SUGCT: variants seen among roughly 807,000 people sequenced by gnomAD.
SUGCT encodes succinyl-CoA:glutarate-CoA transferase, also known as succinyl-CoA:glutarate CoA-transferase.
In SUGCT, 41 loss-of-function variants were observed where a neutral mutation model predicts 55.0. That is an observed-to-expected ratio of 0.74 (90% CI 0.58 to 0.97). The LOEUF (loss-of-function observed/expected upper bound fraction) is 0.97, where lower values mean the gene tolerates loss of function less well. SUGCT is among the 50% of genes least tolerant of loss of function. SUGCT has a pLI of 0.00. For synonymous variants in SUGCT, 187 were observed against 200.4 expected (o/e 0.93, Z 0.56); for missense variants, 568 against 547.8 (o/e 1.04, Z -0.37).
At chr7:40,399,632 AT>A (rs1785953426) in intron 9 of SUGCT, among the ~76,000 whole-genome samples, 1 of 152,178 alleles carries the variant, frequency 6.6e-6, no homozygotes, top group African/African-American at 2.4e-5. Flanking sequence ...TATTAGCCTG[AT>A]TTGGTTCATG....
At chr7:40,443,425 T>G (rs1788629056) in intron 9 of SUGCT, among the ~76,000 whole-genome samples, 1 of 152,230 alleles carries the variant, frequency 6.6e-6, no homozygotes, top group Admixed American at 6.5e-5. Context: ...CTAACTGGTG[T>G]GAGATGGTAT....
chr7:40,942,931 C>T, the SUGCT span, among the ~76,000 whole-genome samples: 1 of 151,984 alleles, frequency 6.6e-6, no homozygotes, highest in African/African-American at 2.4e-5. Context: ...TAAAAAATAT[C>T]TGTCTCTTTA....
chr7:40,896,416 T>C, the SUGCT span, among the ~76,000 whole-genome samples: 1 of 152,190 alleles, frequency 6.6e-6, no homozygotes, highest in African/African-American at 2.4e-5. Flanking sequence ...GGTTTGGCTG[T>C]GTCCCCACCC....
intron 9 of SUGCT, among the ~76,000 whole-genome samples, chr7:40,384,869 G>T (rs143327977): frequency 6.6e-6 from 1 of 152,050 alleles, no homozygotes; most frequent in Non-Finnish European, 1.5e-5. Context: ...TTCTACAAAG[G>T]CGTATTGAGA....
At chr7:40,944,015 T>C in the SUGCT span, among the ~76,000 whole-genome samples, 1 of 151,536 alleles carries the variant, frequency 6.6e-6, no homozygotes, top group Admixed American at 6.6e-5. Context: ...TTGATTTGCA[T>C]TTCTCTGATG....
chr7:40,973,419 G>GCTT, the SUGCT span, among the ~76,000 whole-genome samples: 1 of 152,116 alleles, frequency 6.6e-6, no homozygotes, highest in Non-Finnish European at 1.5e-5. Flanking sequence ...GGGACTTTTG[G>GCTT]CTTATGCCAG....
intron 9 of SUGCT, among the ~76,000 whole-genome samples, chr7:40,360,903 AG>A (rs1489290299): frequency 6.6e-6 from 1 of 152,190 alleles, no homozygotes; most frequent in Non-Finnish European, 1.5e-5. Flanking sequence ...AGACCAGTTA[AG>A]GGGCTGTTAC....
At chr7:40,440,747 T>A (rs1391746467) in intron 9 of SUGCT, among the ~76,000 whole-genome samples, 1 of 152,062 alleles carries the variant, frequency 6.6e-6, no homozygotes, top group African/African-American at 2.4e-5. Flanking sequence ...TCTCCTAAGA[T>A]CTCATTGTTT....
the SUGCT span, among the ~76,000 whole-genome samples, chr7:40,883,179 A>G: frequency 6.6e-6 from 1 of 152,162 alleles, no homozygotes; most frequent in African/African-American, 2.4e-5. Context: ...CAGGCTTCTT[A>G]ATTAGGTATC....
intron 12 of SUGCT, among the ~76,000 whole-genome samples, chr7:40,515,968 T>G (rs904655939): frequency 2.6e-5 from 4 of 152,220 alleles, no homozygotes; most frequent in African/African-American, 9.6e-5. Context: ...TTCATAACTT[T>G]GCCAACACTT....
At chr7:40,346,583 AC>A (rs1797322569) in intron 9 of SUGCT, among the ~76,000 whole-genome samples, 1 of 152,124 alleles carries the variant, frequency 6.6e-6, no homozygotes, top group African/African-American at 2.4e-5. Context: ...CATAACATCT[AC>A]CTTATTGGCT....
At chr7:41,001,292 T>A in the SUGCT span, among the ~76,000 whole-genome samples, 2 of 151,520 alleles carry the variant, frequency 1.3e-5, no homozygotes, top group Non-Finnish European at 2.9e-5. Flanking sequence ...AGAGAAGGAG[T>A]GTCACACAAA....
At chr7:40,706,995 C>T (rs1785448671) in intron 12 of SUGCT, among the ~76,000 whole-genome samples, 1 of 152,162 alleles carries the variant, frequency 6.6e-6, no homozygotes, top group Admixed American at 6.5e-5. Flanking sequence ...GAACTACCCA[C>T]CCTCATTGTC....
intron 12 of SUGCT, among the ~76,000 whole-genome samples, chr7:40,727,610 T>C (rs545545097): frequency 3.3e-5 from 5 of 152,350 alleles, no homozygotes; most frequent in Non-Finnish European, 7.3e-5. Flanking sequence ...CAGTTCAGAT[T>C]AGAACTGAGT....
intron 12 of SUGCT, among the ~76,000 whole-genome samples, chr7:40,643,818 C>G (rs899894835): frequency 2.0e-5 from 3 of 152,212 alleles, no homozygotes; most frequent in African/African-American, 7.2e-5. Flanking sequence ...CCTGCCAGCC[C>G]CCTCCCAAAG....
intron 3 of SUGCT, among the ~76,000 whole-genome samples, chr7:40,182,398 C>G (rs1562558336): frequency 6.6e-6 from 1 of 151,930 alleles, no homozygotes; most frequent in Non-Finnish European, 1.5e-5. Context: ...GAAACCTCTT[C>G]TCTACTAAAA....
At chr7:40,212,887 G>GT (rs1787422658) in intron 6 of SUGCT, among the ~76,000 whole-genome samples, 1 of 152,118 alleles carries the variant, frequency 6.6e-6, no homozygotes, top group African/African-American at 2.4e-5. Flanking sequence ...AACAAAAATA[G>GT]TAACTGTGAG....
intron 1 of SUGCT, among the ~76,000 whole-genome samples, chr7:40,173,152 A>C (rs1185041916): frequency 6.6e-6 from 1 of 152,044 alleles, no homozygotes; most frequent in African/African-American, 2.4e-5. Context: ...TGAGTGTTAC[A>C]CCTCTGTTAG....
intron 9 of SUGCT, among the ~76,000 whole-genome samples, chr7:40,330,073 G>A (rs1308920731): frequency 6.6e-6 from 1 of 152,122 alleles, no homozygotes; most frequent in East Asian, 1.9e-4. Context: ...CAGCATCCTG[G>A]GCTTCTGAGC....
Sources: gnomAD v4.1 joint callset for allele counts (sites outside exome capture counted in the v4.1 genomes callset) on GRCh38, gnomAD v4.1.1 for gene constraint, MANE v1.5 for transcripts, NCBI Gene and HGNC (gene_info 2026-07-23, HGNC 2026-07-21) for gene names.